The following SIRT4 variants were observed in gnomAD, a reference collection of about 807,000 sequenced individuals.
SIRT4 encodes the protein sirtuin 4, also known as NAD-dependent protein lipoamidase sirtuin-4, mitochondrial.
Under a neutral mutation model 26.1 loss-of-function variants are expected in SIRT4, and 23 were observed. That is an observed-to-expected ratio of 0.88 (90% confidence interval 0.63 to 1.25). The LOEUF is 1.25. SIRT4 is among the 50% of genes most tolerant of loss of function. SIRT4 has a pLI of 0.00. For synonymous variants in SIRT4, 155 were observed against 158.4 expected, an observed-to-expected ratio of 0.98 and a Z score of 0.16; for missense variants, 361 against 405.4, an observed-to-expected ratio of 0.89 and a Z score of 0.94.
chr12:120,292,176 G>GACAA, the SIRT4 span, among the ~76,000 whole-genome samples: 1 of 152,320 alleles, frequency 6.6e-6, no homozygotes, highest in Admixed American at 6.5e-5. Flanking sequence ...CTTGAATTTT[G>GACAA]AGCGAGGAGA....
chr12:120,297,788 G>A (rs1872386393), upstream of SIRT4, among the ~76,000 whole-genome samples: 1 of 152,170 alleles, frequency 6.6e-6, no homozygotes, highest in East Asian at 1.9e-4. Flanking sequence ...ATTGGTGAAT[G>A]GGGAAGGAGA....
At chr12:120,302,581 G>T (rs953214860) in intron 1 of SIRT4, among the ~76,000 whole-genome samples, 5 of 152,142 alleles carry the variant, frequency 3.3e-5, no homozygotes, top group Non-Finnish European at 1.5e-5. Context: ...TTTTGCTGTG[G>T]AATGTCAAGG....
intron 2 of SIRT4, among the ~76,000 whole-genome samples, chr12:120,305,172 GAA>G (rs949648196): frequency 7.5e-6 from 1 of 132,848 alleles, no homozygotes; most frequent in African/African-American, 2.8e-5. Context: ...GTCTCAAAAA[GAA>G]AAAAAAAAAA....
intron 2 of SIRT4, among the ~76,000 whole-genome samples, chr12:120,308,833 G>C (rs1389048478): frequency 6.6e-6 from 1 of 152,268 alleles, no homozygotes; most frequent in Non-Finnish European, 1.5e-5. Context: ...GACTAAGGTG[G>C]TATCCAGGGA....
intron 2 of SIRT4, among the ~76,000 whole-genome samples, chr12:120,307,365 T>A (rs946518819): frequency 6.6e-6 from 1 of 152,050 alleles, no homozygotes; most frequent in African/African-American, 2.4e-5. Flanking sequence ...GGCGGGCGCC[T>A]ATAGTCCCAG....
intron 2 of SIRT4, among the ~76,000 whole-genome samples, chr12:120,310,948 G>A (rs113182103): frequency 0.71 from 102,981 of 145,934 alleles, 36,402 homozygotes; most frequent in South Asian, 0.74. Context: ...TGTTAGCCAG[G>A]ATGGTCTCGA....
chr12:120,304,837 T>TA (rs1566463549), intron 2 of SIRT4, among the ~76,000 whole-genome samples: 207 of 8,614 alleles, frequency 0.024, no homozygotes, highest in East Asian at 0.043. Context: ...ATATATATAT[T>TA]TTTTTTTTTT....
chr12:120,311,602 G>C (rs1314795417), intron 2 of SIRT4, among the ~76,000 whole-genome samples: 1 of 151,170 alleles, frequency 6.6e-6, no homozygotes, highest in African/African-American at 2.4e-5. Flanking sequence ...GGGTGTGGTA[G>C]AGCCTGCCTG....
chr12:120,292,349 T>C, the SIRT4 span, among the ~76,000 whole-genome samples: 1 of 152,138 alleles, frequency 6.6e-6, no homozygotes, highest in African/African-American at 2.4e-5. Context: ...ACGCCTGTAA[T>C]CCCAGCACTC....
chr12:120,306,593 G>C (rs1482607688), intron 2 of SIRT4, among the ~76,000 whole-genome samples: 1 of 152,132 alleles, frequency 6.6e-6, no homozygotes, highest in African/African-American at 2.4e-5. Flanking sequence ...CTTGAGGTCA[G>C]GAGTTCGAGA....
At chr12:120,309,553 A>T (rs1872877732) in intron 2 of SIRT4, among the ~76,000 whole-genome samples, 1 of 151,274 alleles carries the variant, frequency 6.6e-6, no homozygotes, top group Non-Finnish European at 1.5e-5. Flanking sequence ...CTGGGATTAC[A>T]GGCATGCACC....
the SIRT4 span, among the ~76,000 whole-genome samples, chr12:120,292,466 G>A: frequency 1.3e-5 from 2 of 152,150 alleles, no homozygotes; most frequent in South Asian, 4.2e-4. Context: ...AGCGGGGTGC[G>A]GTGGGCAGGC....
chr12:120,300,973 GATAA>G (rs1367832116), upstream of SIRT4, among the ~76,000 whole-genome samples: 2 of 152,154 alleles, frequency 1.3e-5, no homozygotes, highest in African/African-American at 4.8e-5. Context: ...AAAAAAATAT[GATAA>G]ATAAAATTGG....
intron 1 of SIRT4, among the ~76,000 whole-genome samples, chr12:120,302,943 G>C (rs1296320784): frequency 6.6e-6 from 1 of 150,470 alleles, no homozygotes; most frequent in South Asian, 2.1e-4. Flanking sequence ...GGCATGTCTC[G>C]AACTCCTGAT....
chr12:120,305,905 G>C (rs752268964), intron 2 of SIRT4, among the ~76,000 whole-genome samples: 32 of 152,016 alleles, frequency 2.1e-4, no homozygotes, highest in Middle Eastern at 3.4e-3. Flanking sequence ...CCAGCTACTC[G>C]GGAGGCTGAG....
chr12:120,293,166 A>G, the SIRT4 span: 6 of 152,210 alleles, frequency 3.9e-5, no homozygotes, highest in Non-Finnish European at 5.9e-5. Flanking sequence ...GGTATTGGGA[A>G]AAGTTTTCAA....
At chr12:120,310,391 T>A (rs565727080) in intron 2 of SIRT4, among the ~76,000 whole-genome samples, 11 of 151,928 alleles carry the variant, frequency 7.2e-5, no homozygotes, top group Non-Finnish European at 1.2e-4. Flanking sequence ...GCCAAAAAAA[T>A]TTTTTTTGTA....
At chr12:120,304,093 G>A (rs200288043) in intron 2 of SIRT4, 35 bp downstream of exon 2, 37 of 1,590,966 alleles carry the variant, frequency 2.3e-5, no homozygotes, top group Admixed American at 3.4e-5. Flanking sequence ...ACGCAAACCC[G>A]TGTGTTGTTT....
the SIRT4 span, among the ~76,000 whole-genome samples, chr12:120,296,954 G>A: frequency 2.0e-5 from 3 of 152,016 alleles, no homozygotes; most frequent in Admixed American, 2.0e-4. Flanking sequence ...GCCAGGCACG[G>A]TGGCTCACGC....
Sources: allele counts gnomAD v4.1 joint callset (sites outside exome capture counted in the v4.1 genomes callset), GRCh38; gene constraint gnomAD v4.1.1; transcripts MANE v1.5; gene names NCBI Gene and HGNC (gene_info 2026-07-23, HGNC 2026-07-21).